Variants in ABLIM1 observed in about 807,000 individuals in gnomAD.
ABLIM1 encodes the protein actin-binding LIM protein 1.
In ABLIM1, 40 loss-of-function variants were observed where a neutral mutation model predicts 107.0. The ratio of observed to expected loss-of-function variants is 0.37; its 90% CI spans 0.29 to 0.49. The LOEUF is 0.49. Ranked by LOEUF, ABLIM1 falls within the 20% of genes least tolerant of loss-of-function variation. The probability of loss-of-function intolerance (pLI) is 0.97; values close to 1 mark genes in which losing one functional copy is unlikely to be tolerated. For missense variants in ABLIM1, 857 were observed against 1,008.5 expected (o/e 0.85, Z 2.04); for synonymous variants, 357 against 357.3 (o/e 1.00, Z 0.01).
At chr10:114,508,177 C>T (rs538398608) in intron 6 of ABLIM1, among the ~76,000 whole-genome samples, 1 of 152,194 alleles carries the variant, frequency 6.6e-6, no homozygotes, top group East Asian at 1.9e-4. Flanking sequence ...GTGGGACAAA[C>T]GTATCACAAA....
intron 1 of ABLIM1, among the ~76,000 whole-genome samples, chr10:114,749,801 C>G (rs2082471935): frequency 6.6e-6 from 1 of 152,106 alleles, no homozygotes; most frequent in Admixed American, 6.5e-5. Context: ...GCTCTTCCCT[C>G]TGCCTAGAAT....
Position 114,746,949 on chromosome 10 carries a change from T to C in ABLIM1, c.-213+21112A>G, listed in dbSNP as rs188881244. ...TTGAGGTCCTTATATATTTTGGATA[T>C]TAAACTCTTATTAAGGGTATTAATA... On this transcript the variant is annotated intron_variant, in intron 1 of 15. Transcript: ENST00000651092. Among the ~76,000 whole-genome samples, 3 of 152,344 alleles carry C rather than the reference T, an allele frequency of 2.0e-5. No homozygotes were observed. The East Asian group carries it at 5.8e-4, about 29-fold the overall frequency.
intron 1 of ABLIM1, among the ~76,000 whole-genome samples, chr10:114,646,072 A>G (rs556576764): frequency 4.6e-5 from 7 of 152,110 alleles, no homozygotes; most frequent in Admixed American, 6.5e-5. Flanking sequence ...CCTTTCTCTC[A>G]CTATCTCTAG....
the ABLIM1 span, among the ~76,000 whole-genome samples, chr10:114,788,334 TAAA>T: frequency 4.1e-3 from 535 of 131,314 alleles, 2 homozygotes; most frequent in African/African-American, 0.012. Flanking sequence ...AATAAAAAAA[TAAA>T]AAAAAAAAAA....
chr10:114,463,503 G>A (rs554742824), intron 12 of ABLIM1, among the ~76,000 whole-genome samples: 1 of 151,790 alleles, frequency 6.6e-6, no homozygotes, highest in Non-Finnish European at 1.5e-5. Flanking sequence ...AAAAGCACCT[G>A]ACACAACAGA....
intron 22 of ABLIM1, 103 bp downstream of exon 22, chr10:114,437,741 T>A: frequency 1.2e-6 from 1 of 841,524 alleles, no homozygotes; most frequent in East Asian, 2.7e-5. Flanking sequence ...ATCTTTATAA[T>A]TTTTTTTTGT....
At chr10:114,588,867 C>T (rs138011921) in intron 2 of ABLIM1, among the ~76,000 whole-genome samples, 2 of 152,038 alleles carry the variant, frequency 1.3e-5, no homozygotes, top group African/African-American at 4.8e-5. Context: ...CATCACCCCA[C>T]TACCAATTCA....
chr10:114,467,826 G>A (rs1208039288), intron 11 of ABLIM1, among the ~76,000 whole-genome samples: 1 of 152,190 alleles, frequency 6.6e-6, no homozygotes, highest in Non-Finnish European at 1.5e-5. Flanking sequence ...CATGATGGCT[G>A]TTGGCCATTT....
chr10:114,526,769 A>T (rs919647356), intron 6 of ABLIM1: 1 of 985,348 alleles, frequency 1.0e-6, no homozygotes, highest in African/African-American at 1.7e-5. Context: ...TAGATGCCAG[A>T]CCTCAGCCCG....
rs1437479555 is a variant in ABLIM1 at position 114,437,924 on chromosome 10, T to C, written c.2143A>G (p.Ile715Val). Residue 715 changes from isoleucine (I) to valine (V), a missense_variant and splice_region_variant, in exon 22 of 23, where the codon ATA (isoleucine) becomes GTA (valine). Transcript: ENST00000533213. ...VSMPNMLEPK[I>V]FPYEMLMVTN... Reference sequence around the variant, plus strand: ...ACCATGAGCATTTCATATGGAAATATCTGAGAAGAAAGAAAACACCTCTTC... The same window carrying C: ...ACCATGAGCATTTCATATGGAAATACCTGAGAAGAAAGAAAACACCTCTTC... 2.5e-6 allele frequency: 4 copies of C among 1,613,546 alleles called. No individual in the cohort carries two copies. The highest frequency in any genetic ancestry group is 3.3e-5 in the Admixed American group (2 of 60,000).
chr10:114,684,911 T>TA (rs1363448090), exon 1 of ABLIM1: 2 of 198,402 alleles, frequency 1.0e-5, no homozygotes, highest in African/African-American at 2.4e-5. Flanking sequence ...CTAGAATTTT[T>TA]AAAAAATGCT....
In ABLIM1 at chr10:114,439,246, A is replaced by G. The variant is rs1226211469; in HGVS notation, c.2072T>C (p.Leu691Pro). The G allele has an allele frequency of 6.2e-7, 1 of 1,614,224 alleles. No homozygotes were observed. The change falls in exon 21 of 23, where the codon CTC (leucine) becomes CCC (proline). Residue 691 changes from leucine (L) to proline (P), a missense_variant. By Grantham distance (98) the Leu-to-Pro change is moderately conservative. Transcript: ENST00000533213. ...CATTGCAGGCATGTGGCCATCTGGG[A>G]GTGTCTGCAACAGAAATGCCAGTTC... ...VSGGVRDYQT[L>P]PDGHMPAMRM...
intron 4 of ABLIM1, among the ~76,000 whole-genome samples, chr10:114,559,846 C>T (rs935757512): frequency 6.6e-6 from 1 of 152,154 alleles, no homozygotes; most frequent in Non-Finnish European, 1.5e-5. Flanking sequence ...GCAGGCTAAG[C>T]AATGGCCATA....
chr10:114,785,225 T>C, the ABLIM1 span, among the ~76,000 whole-genome samples: 1 of 152,238 alleles, frequency 6.6e-6, no homozygotes, highest in South Asian at 2.1e-4. Flanking sequence ...CTCATGTTCA[T>C]AGATTCTAAC....
intron 6 of ABLIM1, among the ~76,000 whole-genome samples, chr10:114,524,964 C>T (rs2064426426): frequency 6.6e-6 from 1 of 152,276 alleles, no homozygotes; most frequent in African/African-American, 2.4e-5. Context: ...GGACTCCAGC[C>T]TCCTCTCATA....
At chr10:114,536,616 T>G (rs1467379480) in intron 6 of ABLIM1, among the ~76,000 whole-genome samples, 1 of 152,194 alleles carries the variant, frequency 6.6e-6, no homozygotes, top group Non-Finnish European at 1.5e-5. Context: ...ACTTTGTTCC[T>G]TTTTATGGCT....
intron 1 of ABLIM1, among the ~76,000 whole-genome samples, chr10:114,744,911 T>G (rs1200056271): frequency 6.6e-6 from 1 of 152,046 alleles, no homozygotes; most frequent in African/African-American, 2.4e-5. Flanking sequence ...CTTGGATGTC[T>G]CAGAGGCATC....
intron 17 of ABLIM1, 82 bp from the exon 18 acceptor site, chr10:114,441,868 C>A (rs2060252880): frequency 1.6e-6 from 2 of 1,272,324 alleles, no homozygotes; most frequent in Admixed American, 3.5e-5. Flanking sequence ...TATCTTCTAC[C>A]TCACAGGATA....
intron 14 of ABLIM1, among the ~76,000 whole-genome samples, chr10:114,448,268 G>A (rs1463433644): frequency 6.6e-6 from 1 of 152,132 alleles, no homozygotes; most frequent in Non-Finnish European, 1.5e-5. Flanking sequence ...CCCTATTCTA[G>A]AGTGCTGCCC....
Sources: allele counts gnomAD v4.1 joint callset (sites outside exome capture counted in the v4.1 genomes callset), GRCh38; gene constraint gnomAD v4.1.1; transcripts MANE v1.5; gene names NCBI Gene and HGNC (gene_info 2026-07-23, HGNC 2026-07-21).